The following GRM7 variants were observed in gnomAD, a reference collection of about 807,000 sequenced individuals.
The protein encoded by GRM7 is glutamate metabotropic receptor 7, also known as metabotropic glutamate receptor 7.
GRM7 carries 35 observed loss-of-function variants against 84.5 expected under a neutral mutation model. The ratio of observed to expected loss-of-function variants is 0.41; its 90% CI spans 0.32 to 0.55. The LOEUF is 0.55. Ranked by LOEUF, GRM7 falls within the 20% of genes least tolerant of loss-of-function variation. GRM7 has a pLI of 0.19. For missense variants in GRM7, 1,003 were observed against 1,194.6 expected (o/e 0.84, Z 2.36); for synonymous variants, 487 against 455.1 (o/e 1.07, Z -0.89).
chr3:7,429,908 T>C (rs1249925593), intron 5 of GRM7, among the ~76,000 whole-genome samples: 1 of 152,200 alleles, frequency 6.6e-6, no homozygotes, highest in Non-Finnish European at 1.5e-5. Context: ...CTTTAGCTCA[T>C]TTAGAAACCA....
intron 1 of GRM7, among the ~76,000 whole-genome samples, chr3:6,983,445 C>T (rs921467060): frequency 1.3e-5 from 2 of 152,042 alleles, no homozygotes; most frequent in Non-Finnish European, 1.5e-5. Flanking sequence ...GGAAAAGGGT[C>T]ACTATCCTTA....
intron 4 of GRM7, among the ~76,000 whole-genome samples, chr3:7,307,836 G>A (rs1025910983): frequency 1.3e-5 from 2 of 152,156 alleles, no homozygotes; most frequent in East Asian, 1.9e-4. Flanking sequence ...TAGGAGTCAG[G>A]AAAACAAAAG....
intron 2 of GRM7, among the ~76,000 whole-genome samples, chr3:7,230,873 T>C (rs1697171709): frequency 6.6e-6 from 1 of 152,212 alleles, no homozygotes; most frequent in Non-Finnish European, 1.5e-5. Flanking sequence ...ACCCTTTTAG[T>C]ATATTCATGA....
At chr3:7,239,727 T>G (rs761391646) in intron 2 of GRM7, among the ~76,000 whole-genome samples, 1 of 152,138 alleles carries the variant, frequency 6.6e-6, no homozygotes, top group Non-Finnish European at 1.5e-5. Flanking sequence ...AACATTCTGT[T>G]TGATTAACCG....
chr3:7,454,843 G>C (rs1697937075), intron 6 of GRM7, among the ~76,000 whole-genome samples: 1 of 152,064 alleles, frequency 6.6e-6, no homozygotes, highest in Non-Finnish European at 1.5e-5. Context: ...TACCAATTCT[G>C]CCTGGCTCTG....
At chr3:7,522,188 T>A (rs1460171965) in intron 7 of GRM7, among the ~76,000 whole-genome samples, 1 of 152,188 alleles carries the variant, frequency 6.6e-6, no homozygotes, top group Non-Finnish European at 1.5e-5. Flanking sequence ...TCAAAATCAT[T>A]GTAACATGAC....
chr3:7,079,514 C>CT (rs60271856), intron 1 of GRM7, among the ~76,000 whole-genome samples: 14 of 151,494 alleles, frequency 9.2e-5, no homozygotes, highest in Admixed American at 6.6e-5. Flanking sequence ...TGAAACATTT[C>CT]TTTTTTTTTA....
In GRM7 at chr3:6,889,163, C is replaced by A. The variant is rs554687883; in HGVS notation, c.519+27256C>A. Among the ~76,000 whole-genome samples the A allele has an allele frequency of 3.0e-4, 46 of 152,314 alleles. No individual in the cohort carries two copies. In the East Asian group the frequency reaches 7.3e-3, roughly 24 times the overall value. ...CAATGGGGTTTTCTAGATATACAAT[C>A]ATGTCACCTGCAAACAGGGACAATT... is the stretch of plus-strand genomic sequence containing the variant. On this transcript the variant is annotated intron_variant, in intron 1 of 9. Coordinates refer to ENST00000357716, the MANE Select transcript of GRM7 (RefSeq NM_000844.4).
At chr3:6,978,418 T>G (rs955486213) in intron 1 of GRM7, among the ~76,000 whole-genome samples, 3 of 152,114 alleles carry the variant, frequency 2.0e-5, no homozygotes, top group Non-Finnish European at 4.4e-5. Context: ...TTGTGGTAAT[T>G]TTTTAAATGG....
At chr3:6,908,624 T>C (rs1696662211) in intron 1 of GRM7, among the ~76,000 whole-genome samples, 1 of 152,150 alleles carries the variant, frequency 6.6e-6, no homozygotes, top group African/African-American at 2.4e-5. Context: ...TCACTGTACC[T>C]GTCCTCGCAC....
intron 8 of GRM7, among the ~76,000 whole-genome samples, chr3:7,645,813 T>C (rs1698610380): frequency 6.6e-6 from 1 of 152,122 alleles, no homozygotes; most frequent in African/African-American, 2.4e-5. Flanking sequence ...GTGGTCATCT[T>C]CCCCAATCTG....
At chr3:7,636,388 A>G (rs535886996) in intron 8 of GRM7, 18 of 437,446 alleles carry the variant, frequency 4.1e-5, no homozygotes, top group African/African-American at 2.6e-4. Flanking sequence ...TGGTGCCTGG[A>G]CACACACTGT....
chr3:6,906,742 G>T (rs996477562), intron 1 of GRM7, among the ~76,000 whole-genome samples: 2 of 151,872 alleles, frequency 1.3e-5, no homozygotes, highest in African/African-American at 4.8e-5. Flanking sequence ...TACCATACCA[G>T]CATTTTTCTT....
intron 8 of GRM7, among the ~76,000 whole-genome samples, chr3:7,590,888 C>T (rs1018487116): frequency 9.9e-5 from 15 of 152,244 alleles, no homozygotes; most frequent in African/African-American, 3.4e-4. Context: ...TGTATCTCCT[C>T]ATTAAAATGA....
intron 1 of GRM7, among the ~76,000 whole-genome samples, chr3:7,100,118 A>T (rs1559440405): frequency 6.6e-6 from 1 of 151,382 alleles, no homozygotes; most frequent in Non-Finnish European, 1.5e-5. Flanking sequence ...AAATCTTCGA[A>T]GTAGATTTGA....
intron 1 of GRM7, among the ~76,000 whole-genome samples, chr3:6,986,725 T>A (rs182020761): frequency 6.6e-6 from 1 of 152,330 alleles, no homozygotes; most frequent in East Asian, 1.9e-4. Flanking sequence ...CTGTCCTGGC[T>A]TCCCCTGTAT....
Position 7,144,228 on chromosome 3 carries a change from T to C in GRM7, c.520-2224T>C, listed in dbSNP as rs949647999. Among the ~76,000 whole-genome samples the C allele has an allele frequency of 2.2e-4, 34 of 152,276 alleles. 3 individuals carry two copies. The highest frequency in any genetic ancestry group is 1.3e-3 in the Admixed American group (20 of 15,276). ...ATCGTACTTGTGAGTGTTTATAGCTTTGTGACCTGAGGCAAGGTAATATTC... is the reference window on the plus strand; with the variant it reads ...ATCGTACTTGTGAGTGTTTATAGCTCTGTGACCTGAGGCAAGGTAATATTC... On this transcript the variant is annotated intron_variant, in intron 1 of 9. Transcript: ENST00000357716.
chr3:7,160,233 G>C (rs1198318811), intron 2 of GRM7, among the ~76,000 whole-genome samples: 1 of 152,136 alleles, frequency 6.6e-6, no homozygotes, highest in Non-Finnish European at 1.5e-5. Flanking sequence ...TATTCCTTCT[G>C]TGAAGTACTA....
At chr3:7,491,412 G>GTATATATATA (rs59392949) in intron 7 of GRM7, among the ~76,000 whole-genome samples, 13 of 149,866 alleles carry the variant, frequency 8.7e-5, no homozygotes, top group African/African-American at 2.0e-4. Flanking sequence ...GATTTAGATG[G>GTATATATATA]TATATATATA....
Sources: gnomAD v4.1 joint callset for allele counts (sites outside exome capture counted in the v4.1 genomes callset) on GRCh38, gnomAD v4.1.1 for gene constraint, MANE v1.5 for transcripts, NCBI Gene and HGNC (gene_info 2026-07-23, HGNC 2026-07-21) for gene names.